SHC3: variants seen among roughly 807,000 people sequenced by gnomAD.
The protein encoded by SHC3 is SHC adaptor protein 3.
In SHC3, 15 loss-of-function variants were observed where a neutral mutation model predicts 60.4. The ratio of observed to expected loss-of-function variants is 0.25; its 90% CI spans 0.17 to 0.38. The LOEUF is 0.38. SHC3 is among the 10% of genes least tolerant of loss of function. The pLI is 1.00. For synonymous variants in SHC3, 294 were observed against 325.9 expected (o/e 0.90, Z 1.05); for missense variants, 677 against 786.1 (o/e 0.86, Z 1.66).
At chr9:89,123,779 G>A (rs1826124772) in intron 1 of SHC3, among the ~76,000 whole-genome samples, 1 of 152,142 alleles carries the variant, frequency 6.6e-6, no homozygotes, top group Non-Finnish European at 1.5e-5. Flanking sequence ...TACCTTCAGT[G>A]TCTATTAGAG....
At chr9:89,091,060 A>G (rs1273377762) in intron 2 of SHC3, among the ~76,000 whole-genome samples, 3 of 152,252 alleles carry the variant, frequency 2.0e-5, no homozygotes, top group Admixed American at 6.5e-5. Context: ...CTATGTTCCC[A>G]GAGATAAGGA....
At chr9:89,058,324 A>AG (rs1824990064) in intron 6 of SHC3, among the ~76,000 whole-genome samples, 1 of 142,000 alleles carries the variant, frequency 7.0e-6, no homozygotes, top group South Asian at 2.3e-4. Context: ...GGTGGAGGAC[A>AG]TGGTGGAGGA....
chr9:89,038,382 T>G, intron 10 of SHC3, 94 bp from the exon 11 acceptor site: 2 of 1,341,702 alleles, frequency 1.5e-6, no homozygotes, highest in Non-Finnish European at 2.0e-6. Context: ...GAGATGGAAA[T>G]GCAAAGGCAA....
chr9:89,132,395 A>C (rs890124689), intron 1 of SHC3, among the ~76,000 whole-genome samples: 2 of 152,190 alleles, frequency 1.3e-5, no homozygotes, highest in African/African-American at 4.8e-5. Context: ...TCTTCACAGA[A>C]TTGGAAAAAA....
At chr9:89,177,064 T>C (rs1488020028) in intron 1 of SHC3, among the ~76,000 whole-genome samples, 1 of 152,228 alleles carries the variant, frequency 6.6e-6, no homozygotes, top group Non-Finnish European at 1.5e-5. Context: ...AGGATTGAAA[T>C]ACTGCAACTT....
chr9:89,047,859 A>G (rs1217239635), intron 7 of SHC3, among the ~76,000 whole-genome samples: 3 of 152,256 alleles, frequency 2.0e-5, no homozygotes, highest in African/African-American at 4.8e-5. Context: ...ATATGACCAC[A>G]GAATTTCACT....
intron 1 of SHC3, among the ~76,000 whole-genome samples, chr9:89,115,381 T>G (rs1826005930): frequency 6.6e-6 from 1 of 152,172 alleles, no homozygotes; most frequent in African/African-American, 2.4e-5. Context: ...GTGAATTCCA[T>G]AATCAGCAAG....
intron 1 of SHC3, among the ~76,000 whole-genome samples, chr9:89,114,161 G>A (rs1471869465): frequency 1.3e-5 from 2 of 152,144 alleles, no homozygotes; most frequent in Admixed American, 6.6e-5. Context: ...CCACCACCAT[G>A]CTGTTCCAGA....
intron 6 of SHC3, among the ~76,000 whole-genome samples, chr9:89,058,219 G>A (rs1824987307): frequency 6.6e-6 from 1 of 152,220 alleles, no homozygotes; most frequent in Non-Finnish European, 1.5e-5. Context: ...TGGTGGTGGA[G>A]GACATGGTGG....
intron 1 of SHC3, among the ~76,000 whole-genome samples, chr9:89,139,357 A>T (rs1353795020): frequency 1.3e-5 from 2 of 152,212 alleles, no homozygotes; most frequent in Admixed American, 6.6e-5. Context: ...GTTACTAAGG[A>T]CAAATCATGG....
chr9:89,049,078 G>A (rs1302232943), intron 7 of SHC3, among the ~76,000 whole-genome samples: 1 of 152,154 alleles, frequency 6.6e-6, no homozygotes, highest in South Asian at 2.1e-4. Context: ...TGGCTAACAC[G>A]GTGAAATCCC....
At chr9:89,071,042 A>G (rs1287330979) in intron 5 of SHC3, among the ~76,000 whole-genome samples, 157 bp downstream of exon 5, 1 of 152,126 alleles carries the variant, frequency 6.6e-6, no homozygotes, top group Non-Finnish European at 1.5e-5. Context: ...AAATAAAACG[A>G]TGGCCAAGAA....
At chr9:89,028,912 A>AT (rs1305647285) in intron 11 of SHC3, among the ~76,000 whole-genome samples, 1 of 147,802 alleles carries the variant, frequency 6.8e-6, no homozygotes, top group African/African-American at 2.4e-5. Context: ...ATCTATATCT[A>AT]TTAATATAAG....
chr9:89,095,950 A>T (rs1825695066), intron 2 of SHC3, among the ~76,000 whole-genome samples: 1 of 152,136 alleles, frequency 6.6e-6, no homozygotes, highest in East Asian at 1.9e-4. Flanking sequence ...CTCGTGGGAC[A>T]CCCGAGGCAG....
intron 1 of SHC3, among the ~76,000 whole-genome samples, chr9:89,129,064 G>T (rs1386138425): frequency 6.6e-6 from 1 of 152,186 alleles, no homozygotes; most frequent in Non-Finnish European, 1.5e-5. Context: ...GACCTTAAAT[G>T]ACCTGATGGA....
intron 1 of SHC3, among the ~76,000 whole-genome samples, chr9:89,165,555 T>C (rs1487815240): frequency 2.1e-5 from 3 of 142,394 alleles, no homozygotes; most frequent in African/African-American, 7.7e-5. Context: ...GGTGAGGGCA[T>C]GAATCAGAAT....
At chr9:89,157,265 G>A (rs13292645) in intron 1 of SHC3, among the ~76,000 whole-genome samples, 1 of 152,054 alleles carries the variant, frequency 6.6e-6, no homozygotes, top group African/African-American at 2.4e-5. Context: ...ATAACCACAG[G>A]GTCGTTATAA....
In SHC3 at chr9:89,138,979, C is replaced by T. The variant is rs142528283; in HGVS notation, c.475-26353G>A. ...CATTGAGTAAGCTTATCCTGCATTC[C>T]TACACGAAGAGTACAACAGTAATAC... On this transcript the variant is annotated intron_variant, in intron 1 of 11. Transcript: ENST00000375835. Among the ~76,000 whole-genome samples the T allele has an allele frequency of 1.4e-3, 207 of 152,236 alleles. 1 individual carries two copies. The highest frequency in any genetic ancestry group is 2.3e-3 in the Non-Finnish European group (157 of 68,016).
Position 89,052,066 on chromosome 9 carries a change from AC to A in SHC3, c.932del (p.Cys311PhefsTer50). ...FELRFKQYLQ[C>X]PTKIPALHDR... Reference sequence around the variant, plus strand: ...CATGGAGAGCGGGAATCTTGGTAGGACACTGTAAATATTGCTTAAACCGGAG... The same window carrying A: ...CATGGAGAGCGGGAATCTTGGTAGGAACTGTAAATATTGCTTAAACCGGAG... On this transcript the variant is annotated frameshift_variant, in exon 7 of 12. Coordinates refer to ENST00000375835, the MANE Select transcript of SHC3 (RefSeq NM_016848.6). LOFTEE classifies it high-confidence loss of function. 6.2e-7 allele frequency: 1 copy of A among 1,614,118 alleles called. No individual in the cohort carries two copies. Among genetic ancestry groups the A allele is most frequent in the Non-Finnish European group, 8.5e-7 (1 of 1,179,958 alleles).
Sources: allele counts gnomAD v4.1 joint callset (sites outside exome capture counted in the v4.1 genomes callset), GRCh38; gene constraint gnomAD v4.1.1; transcripts MANE v1.5; gene names NCBI Gene and HGNC (gene_info 2026-07-23, HGNC 2026-07-21).